The following RUNX1 variants were observed in gnomAD, a reference collection of about 807,000 sequenced individuals.
RUNX1 encodes runt-related transcription factor 1.
In RUNX1, 19 loss-of-function variants were observed where a neutral mutation model predicts 42.8. The ratio of observed to expected loss-of-function variants is 0.44; its 90% CI spans 0.31 to 0.65. RUNX1 has a LOEUF of 0.65. Among genes scored for constraint, RUNX1 ranks in the 30% least tolerant of loss-of-function variants. The pLI is 0.07. For synonymous variants in RUNX1, 271 were observed against 289.4 expected, an observed-to-expected ratio of 0.94 and a Z score of 0.64; for missense variants, 528 against 672.0, an observed-to-expected ratio of 0.79 and a Z score of 2.37.
intron 2 of RUNX1, among the ~76,000 whole-genome samples, chr21:34,937,378 ACTCATAGG>A (rs1480586883): frequency 1.3e-5 from 2 of 149,744 alleles, no homozygotes; most frequent in African/African-American, 4.9e-5. Flanking sequence ...TCCTCCAGTG[ACTCATAGG>A]CTCTGGGGAT....
chr21:34,836,761 T>C (rs1319948228), intron 6 of RUNX1, among the ~76,000 whole-genome samples: 1 of 152,212 alleles, frequency 6.6e-6, no homozygotes, highest in Non-Finnish European at 1.5e-5. Flanking sequence ...TGAAGAACAC[T>C]GTGTCAAGGA....
chr21:34,918,355 G>GA (rs1003501446), intron 2 of RUNX1, among the ~76,000 whole-genome samples: 18 of 151,964 alleles, frequency 1.2e-4, no homozygotes, highest in East Asian at 1.2e-3. Context: ...GGTCTGAGTT[G>GA]AAAAAAATGT....
intron 5 of RUNX1, among the ~76,000 whole-genome samples, chr21:34,864,995 G>A (rs1230364354): frequency 6.6e-6 from 1 of 152,114 alleles, no homozygotes; most frequent in Non-Finnish European, 1.5e-5. Context: ...CTTGCTAGCT[G>A]TGTGACCTCA....
chr21:34,986,646 C>T (rs187254819), intron 2 of RUNX1, among the ~76,000 whole-genome samples: 45 of 150,494 alleles, frequency 3.0e-4, no homozygotes, highest in Non-Finnish European at 4.9e-4. Flanking sequence ...CAGAGAGATG[C>T]CATGCGAAGA....
At chr21:35,000,230 T>G (rs898966966) in intron 2 of RUNX1, among the ~76,000 whole-genome samples, 3 of 149,288 alleles carry the variant, frequency 2.0e-5, no homozygotes, top group African/African-American at 7.5e-5. Flanking sequence ...ATAATTTTCT[T>G]TCTTTCTTTT....
At position 34,946,778 on chromosome 21, in the gene RUNX1, G is replaced by A. The variant is rs111324674; in HGVS notation, c.59-53815C>T. On this transcript the variant is annotated intron_variant, in intron 2 of 8. Coordinates refer to ENST00000675419, the MANE Select transcript of RUNX1 (RefSeq NM_001754.5). ...TGGCAGTCATAAGTGAGTTTGGGCTGTGACATTTTGGCTTTCTCTAGGTTT... is the reference window on the plus strand; with the variant it reads ...TGGCAGTCATAAGTGAGTTTGGGCTATGACATTTTGGCTTTCTCTAGGTTT... Among the ~76,000 whole-genome samples the A allele has an allele frequency of 7.9e-3, 1,198 of 152,258 alleles. 8 individuals are homozygous for A. The highest frequency in any genetic ancestry group is 0.028 in the African/African-American group (1,156 of 41,544).
intron 2 of RUNX1, among the ~76,000 whole-genome samples, chr21:34,918,431 A>G (rs2058328759): frequency 6.6e-6 from 1 of 152,188 alleles, no homozygotes; most frequent in African/African-American, 2.4e-5. Context: ...CCCCCCTTGC[A>G]AGGGTTATGT....
intron 2 of RUNX1, among the ~76,000 whole-genome samples, chr21:35,016,308 G>A (rs1036557893): frequency 6.6e-6 from 1 of 152,304 alleles, no homozygotes; most frequent in East Asian, 1.9e-4. Context: ...AAGGTTGCAG[G>A]ACATACACAG....
chr21:34,825,995 A>T (rs2056981366), intron 7 of RUNX1, among the ~76,000 whole-genome samples: 1 of 152,206 alleles, frequency 6.6e-6, no homozygotes, highest in Non-Finnish European at 1.5e-5. Context: ...TCTTGCCAAC[A>T]CTTTGATTTT....
intron 2 of RUNX1, among the ~76,000 whole-genome samples, chr21:34,919,649 T>C (rs749448748): frequency 9.2e-5 from 14 of 152,334 alleles, no homozygotes; most frequent in Non-Finnish European, 1.8e-4. Flanking sequence ...AGCATGGAGA[T>C]AAAAATACTT....
intron 7 of RUNX1, among the ~76,000 whole-genome samples, chr21:34,818,881 C>T (rs139868863): frequency 3.9e-4 from 60 of 152,334 alleles, no homozygotes; most frequent in African/African-American, 1.4e-3. Context: ...CTTGTTCCAA[C>T]AGCCCCTCTT....
At chr21:34,896,977 G>T (rs1307304033) in intron 2 of RUNX1, among the ~76,000 whole-genome samples, 2 of 152,114 alleles carry the variant, frequency 1.3e-5, no homozygotes, top group Non-Finnish European at 2.9e-5. Flanking sequence ...AGTGTTGAGA[G>T]GTGTTTGTGT....
At chr21:34,860,563 CTTTA>C (rs1032359523) in intron 5 of RUNX1, among the ~76,000 whole-genome samples, 10 of 151,648 alleles carry the variant, frequency 6.6e-5, no homozygotes, top group Non-Finnish European at 1.2e-4. Context: ...ATGTTGTCTG[CTTTA>C]TTTCTCTTCT....
intron 2 of RUNX1, among the ~76,000 whole-genome samples, chr21:35,015,423 A>T (rs2059152434): frequency 6.6e-6 from 1 of 152,202 alleles, no homozygotes; most frequent in South Asian, 2.1e-4. Flanking sequence ...AGACAAGAGA[A>T]TGTTTACCAT....
intron 2 of RUNX1, among the ~76,000 whole-genome samples, chr21:35,045,152 C>A (rs559211700): frequency 6.6e-6 from 1 of 152,226 alleles, no homozygotes; most frequent in East Asian, 1.9e-4. Flanking sequence ...TGCAAAAAGT[C>A]TAAATGGCAA....
intron 2 of RUNX1, among the ~76,000 whole-genome samples, chr21:34,942,636 G>A (rs560711281): frequency 6.6e-6 from 1 of 152,360 alleles, no homozygotes; most frequent in East Asian, 1.9e-4. Context: ...AGCCACCTGG[G>A]AAGGGTGAGT....
chr21:34,797,294 C>A (rs2056543350), intron 8 of RUNX1, among the ~76,000 whole-genome samples: 1 of 152,212 alleles, frequency 6.6e-6, no homozygotes, highest in African/African-American at 2.4e-5. Flanking sequence ...AATGTTCTCT[C>A]TTACTCCTTG....
At chr21:35,035,162 C>T (rs968864129) in intron 2 of RUNX1, among the ~76,000 whole-genome samples, 5 of 152,182 alleles carry the variant, frequency 3.3e-5, no homozygotes, top group African/African-American at 4.8e-5. Flanking sequence ...ATGATGATAG[C>T]GACCATGTAT....
intron 5 of RUNX1, among the ~76,000 whole-genome samples, chr21:34,879,756 C>T (rs2057867550): frequency 6.6e-6 from 1 of 151,930 alleles, no homozygotes; most frequent in Non-Finnish European, 1.5e-5. Flanking sequence ...TTGGTTCTTA[C>T]AATGTAAAGA....
Sources: gnomAD v4.1 joint callset for allele counts (sites outside exome capture counted in the v4.1 genomes callset) on GRCh38, gnomAD v4.1.1 for gene constraint, MANE v1.5 for transcripts, NCBI Gene and HGNC (gene_info 2026-07-23, HGNC 2026-07-21) for gene names.